ANKFY1: variants seen among roughly 807,000 people sequenced by gnomAD.
ANKFY1 encodes the protein ankyrin repeat and FYVE domain-containing protein 1.
ANKFY1 carries 47 observed loss-of-function variants against 128.3 expected under a neutral mutation model. The observed-to-expected ratio is 0.37, with a 90% CI of 0.29 to 0.47. ANKFY1 has a LOEUF of 0.47. Ranked by LOEUF, ANKFY1 falls within the 20% of genes least tolerant of loss-of-function variation. The pLI, the probability that ANKFY1 is intolerant of heterozygous loss-of-function variation, is 1.00. For missense variants in ANKFY1, 1,222 were observed against 1,510.6 expected (o/e 0.81, Z 3.17); for synonymous variants, 553 against 601.6 (o/e 0.92, Z 1.18).
chr17:4,204,273 T>C (rs2059984756), intron 7 of ANKFY1, among the ~76,000 whole-genome samples: 1 of 152,218 alleles, frequency 6.6e-6, no homozygotes. Context: ...TAATCACTGC[T>C]GGGTGTACTA....
chr17:4,170,037 C>G (rs2059286681), intron 23 of ANKFY1, among the ~76,000 whole-genome samples: 1 of 152,208 alleles, frequency 6.6e-6, no homozygotes, highest in Non-Finnish European at 1.5e-5. Flanking sequence ...TTTCAAAGGC[C>G]AAGTGCACGG....
At chr17:4,190,693 G>T (rs924166038) in intron 10 of ANKFY1, among the ~76,000 whole-genome samples, 1 of 151,518 alleles carries the variant, frequency 6.6e-6, no homozygotes, top group Non-Finnish European at 1.5e-5. Flanking sequence ...AAAAAAATGA[G>T]TTTTTTTTTC....
intron 7 of ANKFY1, among the ~76,000 whole-genome samples, chr17:4,200,881 T>C (rs1038002512): frequency 4.6e-5 from 7 of 152,214 alleles, no homozygotes; most frequent in African/African-American, 7.2e-5. Flanking sequence ...TTCGACTACA[T>C]ATCTACAGTC....
intron 4 of ANKFY1, among the ~76,000 whole-genome samples, chr17:4,216,037 AT>A (rs746050296): frequency 5.9e-5 from 9 of 152,212 alleles, no homozygotes; most frequent in Non-Finnish European, 1.3e-4. Context: ...TTTGTTTTTT[AT>A]TTATAGGATT....
chr17:4,185,544 C>A (rs1435100010), intron 11 of ANKFY1, among the ~76,000 whole-genome samples: 2 of 151,936 alleles, frequency 1.3e-5, no homozygotes, highest in African/African-American at 2.4e-5. Context: ...GTTGCCCAGG[C>A]TGGACTCAAA....
Position 4,172,565 on chromosome 17 carries a change from C to T in ANKFY1, c.3130G>A (p.Gly1044Ser). ...AGCCCTTGGTACACACCCGTGCTGC[C>T]GTCTGCATCCGGCTTGTCCAGAGGA... is the stretch of plus-strand genomic sequence containing the variant. ...GYPLDKPDAD[G>S]STVLLLAYMK... The change falls in exon 22 of 25, where the codon GGC (glycine) becomes AGC (serine). Residue 1044 changes from glycine to serine, a missense_variant. Physicochemically the swap from Gly to Ser is moderately conservative, Grantham distance 56 (BLOSUM62 0). Transcript: ENST00000341657. 3 of 1,613,704 alleles carry T rather than the reference C, an allele frequency of 1.9e-6. No homozygotes were observed. The highest frequency in any genetic ancestry group is 2.5e-6 in the Non-Finnish European group (3 of 1,179,766).
At chr17:4,183,990 C>A in intron 12 of ANKFY1, 80 bp from the exon 13 acceptor site, 1 of 1,209,636 alleles carries the variant, frequency 8.3e-7, no homozygotes, top group Non-Finnish European at 1.2e-6. Context: ...AGTAAGAACT[C>A]AAACTGCCTG....
At chr17:4,263,904 C>G (rs1387049979) in intron 1 of ANKFY1, 28 bp downstream of exon 1, 5 of 1,613,740 alleles carry the variant, frequency 3.1e-6, no homozygotes, top group Middle Eastern at 1.6e-4. Flanking sequence ...TCCGTGTCTT[C>G]CCGCGCGGCT....
In ANKFY1 at chr17:4,195,399, G is replaced by A. The variant is rs200274984; in HGVS notation, c.1172+4C>T. On this transcript the variant is annotated splice_donor_region_variant and intron_variant, in intron 9 of 24. Coordinates refer to ENST00000341657, the MANE Select transcript of ANKFY1 (RefSeq NM_001330063.2). ...TTCTCACTTGTGCGTGTCTCCCTAC[G>A]TACTGTTTGCACTGCAGCAGCTGAC... 1.2e-4 allele frequency: 190 copies of A among 1,613,676 alleles called. No homozygotes were observed. The African/African-American group carries it at 1.3e-3, about 11-fold the overall frequency.
chr17:4,211,769 C>A (rs1439266079), intron 4 of ANKFY1, among the ~76,000 whole-genome samples: 1 of 152,000 alleles, frequency 6.6e-6, no homozygotes, highest in African/African-American at 2.4e-5. Context: ...ACTCAGGAGG[C>A]TGAAGTAAGA....
At chr17:4,194,211 C>T (rs1448513919) in intron 10 of ANKFY1, among the ~76,000 whole-genome samples, 2 of 147,624 alleles carry the variant, frequency 1.4e-5, no homozygotes, top group Non-Finnish European at 1.5e-5. Flanking sequence ...CAGTTTCAAG[C>T]GATTCTCCGG....
intron 16 of ANKFY1, 118 bp from the exon 17 acceptor site, chr17:4,179,995 T>C (rs942401072): frequency 2.3e-6 from 3 of 1,297,018 alleles, no homozygotes; most frequent in Non-Finnish European, 2.1e-6. Flanking sequence ...TGTGGCCGGG[T>C]CTGCTGTCCT....
intron 1 of ANKFY1, among the ~76,000 whole-genome samples, chr17:4,260,989 AG>A (rs1968386392): frequency 6.6e-6 from 1 of 152,214 alleles, no homozygotes; most frequent in Non-Finnish European, 1.5e-5. Flanking sequence ...CAAGCATAGC[AG>A]GCTCTGAGAA....
At chr17:4,232,477 G>T (rs1354904372) in intron 3 of ANKFY1, among the ~76,000 whole-genome samples, 1 of 152,180 alleles carries the variant, frequency 6.6e-6, no homozygotes. Context: ...GTCATAAAAA[G>T]TAAAAATGCC....
At chr17:4,211,314 G>A (rs1404624336) in intron 4 of ANKFY1, among the ~76,000 whole-genome samples, 3 of 150,700 alleles carry the variant, frequency 2.0e-5, no homozygotes, top group South Asian at 2.1e-4. Flanking sequence ...CAAGAATCAC[G>A]TGAACCCGGG....
chr17:4,255,828 TTC>T (rs1389340708), intron 1 of ANKFY1, among the ~76,000 whole-genome samples: 22 of 151,958 alleles, frequency 1.4e-4, no homozygotes, highest in Non-Finnish European at 2.4e-4. Context: ...TTTTTTTTTT[TTC>T]TTTTGAAACG....
intron 4 of ANKFY1, among the ~76,000 whole-genome samples, chr17:4,213,069 CCCA>C (rs1488206873): frequency 6.6e-6 from 1 of 152,134 alleles, no homozygotes; most frequent in East Asian, 1.9e-4. Flanking sequence ...GCCACCGCAC[CCCA>C]CCTCACAACA....
intron 16 of ANKFY1, chr17:4,180,160 G>C (rs1799048112): frequency 2.6e-6 from 1 of 389,884 alleles, no homozygotes; most frequent in Non-Finnish European, 4.7e-6. Context: ...GGATGCGGTG[G>C]CTCATGCCTC....
At chr17:4,256,664 G>T (rs947216395) in intron 1 of ANKFY1, among the ~76,000 whole-genome samples, 5 of 152,128 alleles carry the variant, frequency 3.3e-5, no homozygotes, top group African/African-American at 1.2e-4. Flanking sequence ...AGAAAACCTG[G>T]TATAACTAGA....
Sources: gnomAD v4.1 joint callset for allele counts (sites outside exome capture counted in the v4.1 genomes callset) on GRCh38, gnomAD v4.1.1 for gene constraint, MANE v1.5 for transcripts, NCBI Gene and HGNC (gene_info 2026-07-23, HGNC 2026-07-21) for gene names.